The following NWD1 variants were observed in gnomAD, a reference collection of about 807,000 sequenced individuals.
NWD1 encodes the protein NACHT and WD repeat domain containing 1.
In NWD1, 129 loss-of-function variants were observed where a neutral mutation model predicts 135.1. That is an observed-to-expected ratio of 0.96 (90% CI 0.83 to 1.11). NWD1 has a LOEUF of 1.11. Ranked by LOEUF, NWD1 falls within the 50% of genes least tolerant of loss-of-function variation. NWD1 has a pLI of 0.00. For synonymous variants in NWD1, 773 were observed against 786.0 expected (o/e 0.98, Z 0.28); for missense variants, 1,740 against 1,851.3 (o/e 0.94, Z 1.10).
intron 10 of NWD1, among the ~76,000 whole-genome samples, chr19:16,767,544 G>A (rs535087297): frequency 1.3e-4 from 20 of 152,070 alleles, no homozygotes; most frequent in Non-Finnish European, 2.2e-4. Flanking sequence ...GAACACGGGC[G>A]GCAGAGGTTG....
At chr19:16,789,368 C>T (rs6512135) in intron 13 of NWD1, among the ~76,000 whole-genome samples, 178 bp downstream of exon 13, 9,125 of 152,276 alleles carry the variant, frequency 0.06, 373 homozygotes, top group Middle Eastern at 0.16. Context: ...TTGGATTAGA[C>T]AATCCTGATA....
intron 6 of NWD1, among the ~76,000 whole-genome samples, chr19:16,751,241 AT>A (rs565872748): frequency 0.019 from 2,799 of 143,894 alleles, 90 homozygotes; most frequent in African/African-American, 0.066. Flanking sequence ...AAAAAAAAAA[AT>A]GCAATAAACT....
rs1969179227 is a variant in NWD1, at chr19:16,765,195, G to A, written c.2410+3G>A. On this transcript the variant is annotated splice_donor_region_variant and intron_variant, in intron 10 of 18. Coordinates refer to ENST00000524140, the MANE Select transcript of NWD1 (RefSeq NM_001007525.5). ...TGCTGTGGAGCTCCGAGGCATGGGTGAGTCCAGATGGCCTGGATAGGAGTG... is the reference window on the plus strand; with the variant it reads ...TGCTGTGGAGCTCCGAGGCATGGGTAAGTCCAGATGGCCTGGATAGGAGTG... 3 of 1,613,824 alleles carry A rather than the reference G, an allele frequency of 1.9e-6. No homozygotes were observed. The highest frequency in any genetic ancestry group is 1.1e-5 in the South Asian group (1 of 91,032).
At chr19:16,743,247 G>T (rs1057142203) in intron 4 of NWD1, among the ~76,000 whole-genome samples, 1 of 151,578 alleles carries the variant, frequency 6.6e-6, no homozygotes, top group African/African-American at 2.4e-5. Flanking sequence ...GTCTCACTCT[G>T]TCCCCCAGGC....
intron 3 of NWD1, among the ~76,000 whole-genome samples, chr19:16,732,598 A>ATTTTTTTT (rs139987064): frequency 4.3e-5 from 5 of 117,298 alleles, no homozygotes; most frequent in African/African-American, 1.5e-4. Flanking sequence ...CTGGCTAGGG[A>ATTTTTTTT]ATTTTTTTTT....
At chr19:16,769,300 A>G (rs944607333) in intron 10 of NWD1, among the ~76,000 whole-genome samples, 1 of 152,020 alleles carries the variant, frequency 6.6e-6, no homozygotes, top group African/African-American at 2.4e-5. Context: ...CATCTCTACT[A>G]AAAATGCAAA....
At chr19:16,762,516 C>T (rs540509330) in intron 8 of NWD1, among the ~76,000 whole-genome samples, 18 of 151,836 alleles carry the variant, frequency 1.2e-4, no homozygotes, top group African/African-American at 4.1e-4. Flanking sequence ...ATACTGGTCT[C>T]GAACTCCTGC....
intron 13 of NWD1, among the ~76,000 whole-genome samples, chr19:16,790,548 T>C (rs1057089447): frequency 6.6e-6 from 1 of 151,582 alleles, no homozygotes; most frequent in Non-Finnish European, 1.5e-5. Flanking sequence ...GGGTTGATAG[T>C]TGCAGCAAAC....
intron 14 of NWD1, among the ~76,000 whole-genome samples, chr19:16,792,052 G>C (rs1970266214): frequency 6.6e-6 from 1 of 152,134 alleles, no homozygotes; most frequent in Non-Finnish European, 1.5e-5. Context: ...TTGCAGTTCA[G>C]CACAGTTCAG....
chr19:16,798,629 T>A (rs1269387272), intron 16 of NWD1, among the ~76,000 whole-genome samples: 2 of 152,026 alleles, frequency 1.3e-5, no homozygotes, highest in African/African-American at 4.8e-5. Context: ...TAAGAATAAT[T>A]TTCTTTATTT....
intron 18 of NWD1, among the ~76,000 whole-genome samples, chr19:16,809,615 T>C (rs976686808): frequency 1.6e-4 from 24 of 149,196 alleles, no homozygotes; most frequent in Non-Finnish European, 2.8e-4. Flanking sequence ...AGTGCAGTGG[T>C]GCGATCTCGG....
intron 4 of NWD1, among the ~76,000 whole-genome samples, chr19:16,742,440 T>C (rs1328767354): frequency 6.6e-6 from 1 of 151,988 alleles, no homozygotes; most frequent in Non-Finnish European, 1.5e-5. Context: ...AATGTGGCGC[T>C]TTCATACTGA....
chr19:16,738,551 A>G (rs1967931339), intron 4 of NWD1, among the ~76,000 whole-genome samples: 2 of 141,956 alleles, frequency 1.4e-5, no homozygotes, highest in Admixed American at 7.2e-5. Flanking sequence ...ACTGCGCAAC[A>G]GACGGAGACT....
In NWD1 at chr19:16,762,018, A is replaced by T. The variant is rs762357400; in HGVS notation, c.2013A>T (p.Gly671=). The T allele has an allele frequency of 1.2e-5, 20 of 1,613,966 alleles. No individual in the cohort carries two copies. In the East Asian group the frequency reaches 4.5e-4, roughly 36 times the overall value. ...TGGTCCGTGAGCGCTACCTGTCAGG[A>T]TCCGAGAGAGCCAAGAGGCATGGCG... The part of the protein sequence containing the change: ...VEVVRERYLS[G]SERAKRHGVL... The change falls in exon 8 of 19, where the codon GGA becomes GGT. Residue 671 remains glycine (G), a synonymous_variant. Transcript: ENST00000524140.
At chr19:16,793,250 T>C (rs73521295) in intron 14 of NWD1, among the ~76,000 whole-genome samples, 17 of 152,218 alleles carry the variant, frequency 1.1e-4, no homozygotes, top group Admixed American at 4.6e-4. Context: ...GTTTTGTTTT[T>C]TGAGACAGGG....
At chr19:16,789,340 A>G (rs1970164957) in intron 13 of NWD1, 150 bp downstream of exon 13, 2 of 633,710 alleles carry the variant, frequency 3.2e-6, no homozygotes, top group Non-Finnish European at 5.6e-6. Flanking sequence ...GTGCTATAAG[A>G]GGTTTCAGAC....
At position 16,749,612 on chromosome 19, in the gene NWD1, C is replaced by A. The variant is rs774157498; in HGVS notation, c.970C>A (p.Gln324Lys). The change falls in exon 6 of 19, where the codon CAG becomes AAG. Residue 324 changes from glutamine to lysine, a missense_variant. By Grantham distance (53) the Gln-to-Lys change is moderately conservative (BLOSUM62 1). Transcript: ENST00000524140. ...GRQELLARLGQQLRHDDSKQH... is the reference protein window; with the variant it reads ...GRQELLARLGKQLRHDDSKQH... ...CCAGGAACTCCTGGCCCGGCTTGGGCAGCAGCTCAGGCACGATGACAGCAA... is the reference window on the plus strand; with the variant it reads ...CCAGGAACTCCTGGCCCGGCTTGGGAAGCAGCTCAGGCACGATGACAGCAA... The A allele has an allele frequency of 3.7e-6, 6 of 1,612,298 alleles. No homozygotes were observed. Among genetic ancestry groups the A allele is most frequent in the Non-Finnish European group, 3.4e-6 (4 of 1,178,840 alleles).
rs1224816017 is a variant in NWD1, at chr19:16,750,226, A to G, written c.1584A>G (p.Pro528=). ...CAGATTTGCTCTGGGCCAGCCTCCC[A>G]GAGTGTGGGAACCCAGGGCGGCTGA... The part of the protein sequence containing the change: ...VHTDLLWASL[P]ECGNPGRLRL... The change falls in exon 6 of 19, where the codon CCA becomes CCG. Residue 528 remains proline (P), a synonymous_variant. Transcript: ENST00000524140. The G allele has an allele frequency of 6.2e-7, 1 of 1,613,526 alleles. No homozygotes were observed. The highest frequency in any genetic ancestry group is 1.7e-5 in the Admixed American group (1 of 59,976).
intron 3 of NWD1, among the ~76,000 whole-genome samples, chr19:16,736,084 C>T (rs1967798421): frequency 6.6e-6 from 1 of 152,070 alleles, no homozygotes; most frequent in Non-Finnish European, 1.5e-5. Context: ...CCAGGGTACC[C>T]CATTGCATTT....
Sources: gnomAD v4.1 joint callset for allele counts (sites outside exome capture counted in the v4.1 genomes callset) on GRCh38, gnomAD v4.1.1 for gene constraint, MANE v1.5 for transcripts, NCBI Gene and HGNC (gene_info 2026-07-23, HGNC 2026-07-21) for gene names.